The following CDH26 variants were observed in gnomAD, a reference collection of about 807,000 sequenced individuals.
The protein encoded by CDH26 is cadherin 26.
A neutral mutation model predicts 90.3 loss-of-function variants in CDH26; 83 were observed. The observed-to-expected ratio is 0.92, with a 90% CI of 0.77 to 1.10. CDH26 has a LOEUF of 1.10. CDH26 is among the 50% of genes least tolerant of loss of function. CDH26 has a pLI of 0.00. For missense variants in CDH26, 1,013 were observed against 1,037.6 expected, an observed-to-expected ratio of 0.98 and a Z score of 0.33; for synonymous variants, 397 against 396.3, an observed-to-expected ratio of 1.00 and a Z score of -0.02.
chr20:59,996,216 G>A, intron 12 of CDH26, 162 bp downstream of exon 12: 2 of 973,192 alleles, frequency 2.1e-6, no homozygotes, highest in Non-Finnish European at 3.0e-6. Context: ...GTAGATCAGA[G>A]GTTGCCATGC....
At chr20:60,016,681 G>T (rs1486416337), downstream of CDH26, among the ~76,000 whole-genome samples, 1 of 152,036 alleles carries the variant, frequency 6.6e-6, no homozygotes, top group African/African-American at 2.4e-5. Flanking sequence ...GGGCACCCTT[G>T]TCTTGTTCCA....
intron 8 of CDH26, among the ~76,000 whole-genome samples, chr20:59,988,258 G>A (rs1601144783): frequency 6.6e-6 from 1 of 152,296 alleles, no homozygotes; most frequent in East Asian, 1.9e-4. Context: ...TGACCCCAGT[G>A]CCTCTAGTCT....
rs71228705 is a variant in CDH26, at chr20:60,021,897, C to CATATATATAT, written c.948-9323_948-9314dup. 1.6e-3 allele frequency among the ~76,000 whole-genome samples: 128 copies of CATATATATAT among 78,986 alleles called. 9 individuals carry two copies. Among genetic ancestry groups the CATATATATAT allele is most frequent in the Non-Finnish European group, 2.9e-3 (97 of 33,808 alleles). 51.8% of individuals were successfully genotyped at this position (78,986 alleles called of 152,430 possible). ...ACACACACACACACACACACACACACATATATATATATATATATATCCTGA... is the reference window on the plus strand; with the variant it reads ...ACACACACACACACACACACACACACATATATATATATATATATATATATATATATCCTGA... On this transcript the variant is annotated intron_variant, in intron 7 of 8. Transcript: ENST00000370991.
At chr20:59,966,261 G>T (rs74669798) in intron 1 of CDH26, among the ~76,000 whole-genome samples, 1 of 141,412 alleles carries the variant, frequency 7.1e-6, no homozygotes, top group Non-Finnish European at 1.5e-5. Context: ...AAAAAAAGTG[G>T]CCTGTTCAGC....
At chr20:60,023,142 C>A (rs972372042) in intron 7 of CDH26, among the ~76,000 whole-genome samples, 1 of 152,212 alleles carries the variant, frequency 6.6e-6, no homozygotes, top group African/African-American at 2.4e-5. Flanking sequence ...CTGGTCACTG[C>A]CGTCAGAGCT....
exon 9 of CDH26, chr20:60,033,773 A>ATGTGTG (rs3043443): frequency 0.035 from 31,284 of 893,836 alleles, 325 homozygotes; most frequent in African/African-American, 0.11. Context: ...GGTAGACAAG[A>ATGTGTG]TGTGTGTGTG....
At chr20:60,021,217 G>C (rs867806395) in intron 7 of CDH26, among the ~76,000 whole-genome samples, 1 of 152,284 alleles carries the variant, frequency 6.6e-6, no homozygotes, top group East Asian at 1.9e-4. Flanking sequence ...TGAATTGTTG[G>C]TAAGGGCAAT....
In CDH26 at chr20:60,013,279, C is replaced by G. The variant is rs1023140794; in HGVS notation, c.*549C>G. 6.6e-6 allele frequency: 1 copy of G among 152,212 alleles called. No homozygotes were observed. Among genetic ancestry groups the G allele is most frequent in the African/African-American group, 2.4e-5 (1 of 41,402 alleles). The allele number at this position is 152,212 out of a possible 1,614,324, so 9.4% of individuals were successfully genotyped here. ...TAGATAAATAGATAAAATATGTTAT[C>G]TTGAGAAAAATGATTATGCTGAAAG... On this transcript the variant is annotated 3_prime_UTR_variant, in exon 18 of 18. Transcript: ENST00000348616.
chr20:60,013,264 G>C lies in CDH26; in HGVS notation c.*534G>C, dbSNP rs1379731061. On this transcript the variant is annotated 3_prime_UTR_variant, in exon 18 of 18. Coordinates refer to ENST00000348616, the MANE Select transcript of CDH26 (RefSeq NM_177980.4). ...TGTTCACTTTTTGATTAGATAAATA[G>C]ATAAAATATGTTATCTTGAGAAAAA... The C allele has an allele frequency of 6.6e-6, 1 of 152,218 alleles. No homozygotes were observed. Among genetic ancestry groups the C allele is most frequent in the Non-Finnish European group, 1.5e-5 (1 of 68,108 alleles). 9.4% of individuals were successfully genotyped at this position (152,218 alleles called of 1,614,324 possible).
rs374618809 is a variant in CDH26, at chr20:60,004,700, C to T, written c.2220+1834C>T. On this transcript the variant is annotated intron_variant, in intron 16 of 17. Coordinates refer to ENST00000348616, the MANE Select transcript of CDH26 (RefSeq NM_177980.4). ...AGAATGGCATGAACCTGGGAGGCGG[C>T]GCTTGCAGTGAGCCAAGATCGCGCC... Among the ~76,000 whole-genome samples the T allele has an allele frequency of 2.5e-3, 359 of 144,518 alleles. 2 individuals carry two copies. The highest frequency in any genetic ancestry group is 8.9e-3 in the African/African-American group (342 of 38,418). 94.8% of individuals were successfully genotyped at this position (144,518 alleles called of 152,430 possible).
chr20:59,999,729 G>A, intron 14 of CDH26, 66 bp downstream of exon 14: 1 of 1,449,812 alleles, frequency 6.9e-7, no homozygotes, highest in Admixed American at 1.7e-5. Flanking sequence ...TCCCTGACAA[G>A]GAACACCTGG....
At chr20:60,012,078 G>A (rs1294966971) in intron 17 of CDH26, among the ~76,000 whole-genome samples, 1 of 152,060 alleles carries the variant, frequency 6.6e-6, no homozygotes, top group Non-Finnish European at 1.5e-5. Context: ...GCAGATTGAA[G>A]GATAGACCTG....
At position 59,958,477 on chromosome 20, in the gene CDH26, C is replaced by T. The variant is rs1182527993; in HGVS notation, c.-250C>T. 6.2e-6 allele frequency: 3 copies of T among 486,788 alleles called. No homozygotes were observed. Among genetic ancestry groups the T allele is most frequent in the South Asian group, 5.1e-5 (2 of 39,570 alleles). 30.2% of individuals were successfully genotyped at this position (486,788 alleles called of 1,614,324 possible). The stretch of plus-strand genomic sequence containing the variant: ...TGGTGGCTTTAGTTTCTACCCCACC[C>T]TTCCTAGGAACTCTACTTGTGGCAA... On this transcript the variant is annotated 5_prime_UTR_variant, in exon 1 of 18. Transcript: ENST00000348616.
At chr20:59,974,571 C>T (rs550118883) in intron 4 of CDH26, among the ~76,000 whole-genome samples, 28 of 152,320 alleles carry the variant, frequency 1.8e-4, no homozygotes, top group African/African-American at 6.3e-4. Context: ...GGGGGAAACA[C>T]ATGGCATCCC....
chr20:59,962,943 G>A (rs1241523606), intron 1 of CDH26, among the ~76,000 whole-genome samples: 1 of 152,194 alleles, frequency 6.6e-6, no homozygotes, highest in East Asian at 1.9e-4. Flanking sequence ...ATCAGTCTGG[G>A]ACATGTAGGA....
Position 59,987,475 on chromosome 20 carries a change from G to C in CDH26, c.860G>C (p.Gly287Ala), listed in dbSNP as rs745515469. 7 of 1,612,110 alleles carry C rather than the reference G, an allele frequency of 4.3e-6. No homozygotes were observed. Among genetic ancestry groups the C allele is most frequent in the Non-Finnish European group, 5.9e-6 (7 of 1,179,198 alleles). ...QENYKVQIPEGRASQGVLRLL... is the reference protein window; with the variant it reads ...QENYKVQIPEARASQGVLRLL... Reference sequence around the variant, plus strand: ...CAGTATAAGGTTCAGATTCCTGAAGGCCGAGCCAGCCAGGGCGTGTTGCGT... The same window carrying C: ...CAGTATAAGGTTCAGATTCCTGAAGCCCGAGCCAGCCAGGGCGTGTTGCGT... The change falls in exon 8 of 18, where the codon GGC becomes GCC. Residue 287 changes from glycine to alanine, a missense_variant. By Grantham distance (60) the Gly-to-Ala change is moderately conservative (BLOSUM62 0). Coordinates refer to ENST00000348616, the MANE Select transcript of CDH26 (RefSeq NM_177980.4).
chr20:59,981,184 G>A (rs2061391394), intron 4 of CDH26, among the ~76,000 whole-genome samples: 2 of 152,128 alleles, frequency 1.3e-5, no homozygotes, highest in South Asian at 4.1e-4. Context: ...CTAACTTTGT[G>A]TTTCTTTTTC....
At chr20:59,991,211 G>T (rs1218794203) in intron 9 of CDH26, among the ~76,000 whole-genome samples, 1 of 152,198 alleles carries the variant, frequency 6.6e-6, no homozygotes, top group Non-Finnish European at 1.5e-5. Context: ...ACCAACAGGA[G>T]CCTTTCCTAA....
rs534054290 is a variant in CDH26 at position 59,994,779 on chromosome 20, G to A, written c.1666+290G>A. On this transcript the variant is annotated intron_variant, in intron 11 of 17. Transcript: ENST00000348616. ...TGGCAAGAAGGGTGTTTCCAGGGAAGCTCCAGGATTGACGTCACTGTTTGG... is the reference window on the plus strand; with the variant it reads ...TGGCAAGAAGGGTGTTTCCAGGGAAACTCCAGGATTGACGTCACTGTTTGG... Among the ~76,000 whole-genome samples the A allele has an allele frequency of 1.5e-4, 23 of 152,272 alleles. No individual in the cohort carries two copies. In the East Asian group the frequency reaches 2.1e-3, roughly 14 times the overall value.
Sources: gnomAD v4.1 joint callset for allele counts (sites outside exome capture counted in the v4.1 genomes callset) on GRCh38, gnomAD v4.1.1 for gene constraint, MANE v1.5 for transcripts, NCBI Gene and HGNC (gene_info 2026-07-23, HGNC 2026-07-21) for gene names.